Variants in CALB2 observed in about 807,000 individuals in gnomAD.
CALB2 encodes calretinin.
In CALB2, 34 loss-of-function variants were observed where a neutral mutation model predicts 45.9. That is an observed-to-expected ratio of 0.74 (90% CI 0.56 to 0.99). CALB2 has a LOEUF of 0.99. Ranked by LOEUF, CALB2 falls within the 50% of genes least tolerant of loss-of-function variation. The probability of loss-of-function intolerance (pLI) is 0.00; values close to 1 mark genes in which losing one functional copy is unlikely to be tolerated. For missense variants in CALB2, 344 were observed against 339.3 expected (o/e 1.01, Z -0.11); for synonymous variants, 142 against 129.6 (o/e 1.10, Z -0.65).
intron 10 of CALB2, among the ~76,000 whole-genome samples, chr16:71,388,604 G>A (rs199969017): frequency 6.6e-6 from 1 of 152,226 alleles, no homozygotes; most frequent in South Asian, 2.1e-4. Context: ...ACCTGTCTCA[G>A]TGGCCCCTGA....
chr16:71,379,049 G>A (rs2042452732), intron 4 of CALB2, among the ~76,000 whole-genome samples: 1 of 152,142 alleles, frequency 6.6e-6, no homozygotes, highest in Non-Finnish European at 1.5e-5. Context: ...GGCCAAGGCA[G>A]GTGGATCACT....
Position 71,358,802 on chromosome 16 carries a change from C to T in CALB2, c.10C>T (p.Pro4Ser). MAG[P>S]QQQPPYLHLA... ...CTCCGAGCGGCTCGCCATGGCTGGC[C>T]CGCAGCAGCAGCCCCCTTACCTGCA... Residue 4 changes from proline to serine, a missense_variant, in exon 1 of 11, where the codon CCG (proline) becomes TCG (serine). This residue lies in a region of CALB2 where 77 missense variants were observed against 80.5 expected (regional missense o/e 0.96). Coordinates refer to ENST00000302628, the MANE Select transcript of CALB2 (RefSeq NM_001740.5). The T allele has an allele frequency of 6.2e-7, 1 of 1,606,916 alleles. No individual in the cohort carries two copies. The highest frequency in any genetic ancestry group is 8.5e-7 in the Non-Finnish European group (1 of 1,178,000).
chr16:71,371,095 C>T (rs6499514), intron 1 of CALB2, among the ~76,000 whole-genome samples: 129,849 of 152,230 alleles, frequency 0.85, 55,638 homozygotes, highest in Admixed American at 0.91. Context: ...GGGCTTTCCA[C>T]ACAAAATCCT....
At chr16:71,384,076 C>T in intron 7 of CALB2, 51 bp downstream of exon 7, 2 of 1,573,266 alleles carry the variant, frequency 1.3e-6, no homozygotes, top group South Asian at 2.2e-5. Flanking sequence ...CAGGTCATTC[C>T]TGTGTTATCC....
At chr16:71,361,350 G>A (rs566591004) in intron 1 of CALB2, among the ~76,000 whole-genome samples, 2 of 152,268 alleles carry the variant, frequency 1.3e-5, no homozygotes, top group East Asian at 1.9e-4. Context: ...GGCTTTGGGC[G>A]ACCTTCCTCC....
chr16:71,371,923 T>C (rs1376441559), intron 1 of CALB2, among the ~76,000 whole-genome samples: 1 of 152,220 alleles, frequency 6.6e-6, no homozygotes, highest in Non-Finnish European at 1.5e-5. Context: ...TCTCGGACCC[T>C]GTGCTAGTTC....
Position 71,389,748 on chromosome 16 carries a change from G to A in CALB2, c.700-1G>A. 1 of 1,611,866 alleles carries A rather than the reference G, an allele frequency of 6.2e-7. No homozygotes were observed. The highest frequency in any genetic ancestry group is 1.1e-5 in the South Asian group (1 of 91,038). On this transcript the variant is annotated splice_acceptor_variant, in intron 10 of 10. Coordinates refer to ENST00000302628, the MANE Select transcript of CALB2 (RefSeq NM_001740.5). LOFTEE classifies it high-confidence loss of function. ...TCTTACCCTCTCCCTGTATTTCCTAGGAAATGAATATTCAACAGCTCACCA... is the reference window on the plus strand; with the variant it reads ...TCTTACCCTCTCCCTGTATTTCCTAAGAAATGAATATTCAACAGCTCACCA...
rs371863812 is a variant in CALB2, at chr16:71,374,738, T to C, written c.172-7T>C. ...AGCAAAAATCAGCCCCCTTTGTCTT[T>C]CCACAGATGTCAAAGAGTGACAACT... On this transcript the variant is annotated splice_region_variant and splice_polypyrimidine_tract_variant and intron_variant, in intron 2 of 10. Transcript: ENST00000302628. The C allele has an allele frequency of 4.4e-6, 7 of 1,603,708 alleles. No individual in the cohort carries two copies. The African/African-American group carries it at 5.4e-5, about 12-fold the overall frequency.
intron 1 of CALB2, among the ~76,000 whole-genome samples, chr16:71,365,586 T>G (rs966291977): frequency 9.9e-5 from 15 of 152,258 alleles, no homozygotes; most frequent in African/African-American, 3.6e-4. Context: ...CATAGATTGT[T>G]GGGCACCACC....
In CALB2 at chr16:71,390,127, T is replaced by C; in HGVS notation, c.*262T>C. On this transcript the variant is annotated 3_prime_UTR_variant, in exon 11 of 11. Transcript: ENST00000302628. ...GATGGGGGCATGGGTGGAGGGTCCC[T>C]AATTCTCTTCGCTGTGATGCATGAG... is the stretch of plus-strand genomic sequence containing the variant. 1 of 434,908 alleles carries C rather than the reference T, an allele frequency of 2.3e-6. No homozygotes were observed. The highest frequency in any genetic ancestry group is 2.0e-5 in the African/African-American group (1 of 51,174). 26.9% of individuals were successfully genotyped at this position (434,908 alleles called of 1,614,324 possible).
intron 1 of CALB2, among the ~76,000 whole-genome samples, chr16:71,361,307 C>T (rs1043423863): frequency 6.6e-6 from 1 of 152,314 alleles, no homozygotes; most frequent in Middle Eastern, 3.4e-3. Flanking sequence ...TGTATACAGC[C>T]AAATCGGAAT....
chr16:71,383,306 GAAAT>G (rs2042521725), intron 5 of CALB2, 57 bp from the exon 6 acceptor site: 1 of 1,448,116 alleles, frequency 6.9e-7, no homozygotes, highest in Non-Finnish European at 9.7e-7. Context: ...AGCAAGTAAG[GAAAT>G]GAATGAGGGA....
At chr16:71,385,207 C>T (rs1434619800) in intron 9 of CALB2, 5 of 351,792 alleles carry the variant, frequency 1.4e-5, no homozygotes, top group Non-Finnish European at 2.1e-5. Context: ...GATCTCCATA[C>T]CCACCCCTCC....
rs2042436362 is a variant in CALB2, at chr16:71,377,877, A to C, written c.342+130A>C. 31 of 627,716 alleles carry C rather than the reference A, an allele frequency of 4.9e-5. No individual in the cohort carries two copies. In the South Asian group the frequency reaches 5.3e-4, roughly 11 times the overall value. The allele number at this position is 627,716 out of a possible 1,614,324, so 38.9% of individuals were successfully genotyped here. ...TAAACCCCTTAGAGCTCTGCTACTCAAAGTGTGGTCCGTGGACCGGCAGCA... is the reference window on the plus strand; with the variant it reads ...TAAACCCCTTAGAGCTCTGCTACTCCAAGTGTGGTCCGTGGACCGGCAGCA... On this transcript the variant is annotated intron_variant, in intron 4 of 10. Transcript: ENST00000302628.
At chr16:71,359,174 G>T (rs2042213714) in intron 1 of CALB2, among the ~76,000 whole-genome samples, 1 of 152,232 alleles carries the variant, frequency 6.6e-6, no homozygotes, top group African/African-American at 2.4e-5. Flanking sequence ...GGCTGGGAAG[G>T]CCTCCAGGTT....
At chr16:71,364,625 C>G (rs1486826229) in intron 1 of CALB2, among the ~76,000 whole-genome samples, 2 of 152,182 alleles carry the variant, frequency 1.3e-5, no homozygotes, top group Non-Finnish European at 2.9e-5. Flanking sequence ...TCTGGCCTCC[C>G]TCATGCCTGG....
At chr16:71,371,298 G>A (rs1035249658) in intron 1 of CALB2, among the ~76,000 whole-genome samples, 1 of 152,176 alleles carries the variant, frequency 6.6e-6, no homozygotes, top group African/African-American at 2.4e-5. Context: ...AGGGCAGGGG[G>A]TGGGAGGTGA....
rs1348771913 is a variant in CALB2, at chr16:71,358,739, C to G, written c.-54C>G. On this transcript the variant is annotated 5_prime_UTR_variant, in exon 1 of 11. Transcript: ENST00000302628. ...CACAACCCCAGCGCGAGTGCCAGAG[C>G]CCAGCCGGCGCGGAGCGGGAGCGGT... is the stretch of plus-strand genomic sequence containing the variant. 13 of 1,432,252 alleles carry G rather than the reference C, an allele frequency of 9.1e-6. No individual in the cohort carries two copies. Among genetic ancestry groups the G allele is most frequent in the Non-Finnish European group, 1.3e-5 (13 of 1,039,182 alleles). 88.7% of individuals were successfully genotyped at this position (1,432,252 alleles called of 1,614,324 possible). A position where few individuals can be genotyped will look rare whatever the true frequency, so the allele number is the denominator to read the frequency against.
intron 1 of CALB2, among the ~76,000 whole-genome samples, 166 bp downstream of exon 1, chr16:71,359,052 G>A (rs1031541094): frequency 2.6e-5 from 4 of 152,186 alleles, no homozygotes; most frequent in African/African-American, 9.7e-5. Flanking sequence ...ACATCCGGCT[G>A]CTCTGGGCAC....
Sources: allele counts gnomAD v4.1 joint callset (sites outside exome capture counted in the v4.1 genomes callset), GRCh38; gene constraint gnomAD v4.1.1; regional missense constraint gnomAD v4.1.1; transcripts MANE v1.5; gene names NCBI Gene and HGNC (gene_info 2026-07-23, HGNC 2026-07-21).